SLC18A2: variants seen among roughly 807,000 people sequenced by gnomAD.
SLC18A2 encodes solute carrier family 18 member A2.
SLC18A2 carries 33 observed loss-of-function variants against 59.2 expected under a neutral mutation model. That is an observed-to-expected ratio of 0.56 (90% confidence interval 0.42 to 0.75). The LOEUF (loss-of-function observed/expected upper bound fraction) is 0.75, where lower values mean the gene tolerates loss of function less well. Ranked by LOEUF, SLC18A2 falls within the 30% of genes least tolerant of loss-of-function variation. The pLI is 0.00. For missense variants in SLC18A2, 569 were observed against 668.6 expected (o/e 0.85, Z 1.64); for synonymous variants, 228 against 253.5 (o/e 0.90, Z 0.95).
chr10:117,277,220 T>A lies in SLC18A2; in HGVS notation c.1499T>A (p.Ile500Asn). Residue 500 changes from isoleucine (I) to asparagine (N), a missense_variant, in exon 16 of 16, where the codon ATC (isoleucine) becomes AAC (asparagine). Physicochemically the swap from Ile to Asn is moderately radical, Grantham distance 149. Coordinates refer to ENST00000644641, the MANE Select transcript of SLC18A2 (RefSeq NM_003054.6). ...ACAAAAATGTACACTCAGAATAATA[T>A]CCAGTCATATCCGATAGGTGAAGAT... is the stretch of plus-strand genomic sequence containing the variant. ...IKTKMYTQNN[I>N]QSYPIGEDEE... 6.2e-7 allele frequency: 1 copy of A among 1,611,600 alleles called. No individual in the cohort carries two copies. Among genetic ancestry groups the A allele is most frequent in the Non-Finnish European group, 8.5e-7 (1 of 1,178,392 alleles).
chr10:117,263,248 G>A (rs935338798), intron 10 of SLC18A2, among the ~76,000 whole-genome samples: 18 of 152,184 alleles, frequency 1.2e-4, no homozygotes, highest in African/African-American at 3.9e-4. Context: ...CTGGGGATGG[G>A]GTACTGTGAG....
intron 15 of SLC18A2, among the ~76,000 whole-genome samples, chr10:117,274,098 T>A (rs1457391562): frequency 6.6e-6 from 1 of 152,214 alleles, no homozygotes; most frequent in African/African-American, 2.4e-5. Context: ...TTGATGCTGT[T>A]CATGCCTTTC....
chr10:117,256,549 A>T (rs1844233459), intron 9 of SLC18A2, among the ~76,000 whole-genome samples: 1 of 152,236 alleles, frequency 6.6e-6, no homozygotes, highest in Admixed American at 6.5e-5. Flanking sequence ...GGGCACCAGT[A>T]GTTAAGTTCA....
At chr10:117,272,195 C>T (rs1331280559) in intron 15 of SLC18A2, among the ~76,000 whole-genome samples, 1 of 152,086 alleles carries the variant, frequency 6.6e-6, no homozygotes, top group East Asian at 1.9e-4. Context: ...AAAGTGTGTT[C>T]CTATTTCCAA....
chr10:117,245,195 C>T (rs900945963), intron 3 of SLC18A2, among the ~76,000 whole-genome samples: 8 of 152,068 alleles, frequency 5.3e-5, no homozygotes, highest in Non-Finnish European at 1.0e-4. Context: ...TGGTGGGCTG[C>T]CAAGTGCGCA....
At chr10:117,259,149 A>G (rs908231446) in intron 10 of SLC18A2, among the ~76,000 whole-genome samples, 1 of 152,150 alleles carries the variant, frequency 6.6e-6, no homozygotes, top group African/African-American at 2.4e-5. Context: ...CTGGGTAATT[A>G]TTGTTCACAG....
intron 2 of SLC18A2, among the ~76,000 whole-genome samples, chr10:117,243,177 A>C (rs1252734533): frequency 6.6e-6 from 1 of 152,116 alleles, no homozygotes; most frequent in Non-Finnish European, 1.5e-5. Flanking sequence ...CTGCAGGTTA[A>C]TTTTTTTCTA....
Position 117,269,097 on chromosome 10 carries a change from GCATA to G in SLC18A2, c.1187-963_1187-960del, listed in dbSNP as rs201528859. Among the ~76,000 whole-genome samples the G allele has an allele frequency of 4.7e-5, 7 of 149,592 alleles. No individual in the cohort carries two copies. The highest frequency in any genetic ancestry group is 2.0e-4 in the East Asian group (1 of 5,016). ...TACACAAATATACATACACACATAT[GCATA>G]CATACATACACGTAGATACACATAC... On this transcript the variant is annotated intron_variant, in intron 13 of 15. Coordinates refer to ENST00000644641, the MANE Select transcript of SLC18A2 (RefSeq NM_003054.6). This position sits in a 1 kb window ranked among gnomAD's most constrained non-coding sequence, Gnocchi z 5.1.
intron 10 of SLC18A2, among the ~76,000 whole-genome samples, chr10:117,264,430 C>A (rs995206623): frequency 1.3e-5 from 2 of 152,324 alleles, no homozygotes; most frequent in South Asian, 2.1e-4. Flanking sequence ...AAGCCGAGAT[C>A]GTGCCATTGC....
rs773757505 is a variant in SLC18A2 at position 117,255,487 on chromosome 10, C to T, written c.799C>T (p.Leu267Phe). Reference protein sequence around the residue: ...ALVLLDGAIQLFVLQPSRVQP... With the variant: ...ALVLLDGAIQFFVLQPSRVQP... ...TTATTTTTATTTTTTAGCTATTCAG[C>T]TCTTTGTGCTCCAGCCGTCCCGGGT... Residue 267 changes from leucine (L) to phenylalanine (F), a missense_variant, in exon 8 of 16, where the codon CTC becomes TTC. Transcript: ENST00000644641. The T allele has an allele frequency of 3.7e-6, 6 of 1,614,074 alleles. No homozygotes were observed. The highest frequency in any genetic ancestry group is 5.1e-6 in the Non-Finnish European group (6 of 1,180,026).
chr10:117,248,186 A>C (rs1168753910), intron 3 of SLC18A2, among the ~76,000 whole-genome samples: 1 of 151,966 alleles, frequency 6.6e-6, no homozygotes, highest in Non-Finnish European at 1.5e-5. Flanking sequence ...GCTGATCTCG[A>C]ACTCCTGACC....
chr10:117,246,676 A>T (rs1184672758), intron 3 of SLC18A2, among the ~76,000 whole-genome samples: 1 of 151,654 alleles, frequency 6.6e-6, no homozygotes, highest in Admixed American at 6.6e-5. Context: ...TTTTTGAGAT[A>T]GAGTCTTGCT....
chr10:117,253,719 A>G (rs1844191223), intron 4 of SLC18A2, among the ~76,000 whole-genome samples: 1 of 152,060 alleles, frequency 6.6e-6, no homozygotes, highest in African/African-American at 2.4e-5. Context: ...GGTGGCATGC[A>G]CCTATAGTCC....
chr10:117,266,827 A>T lies in SLC18A2; in HGVS notation c.1070+16A>T. On this transcript the variant is annotated intron_variant, in intron 11 of 15. Transcript: ENST00000644641. ...AAATGGGGAGGTAAGATGATATGAA[A>T]ACAACACTCATTCTGTTACAATAAT... 6.2e-7 allele frequency: 1 copy of T among 1,603,202 alleles called. No individual in the cohort carries two copies. Among genetic ancestry groups the T allele is most frequent in the Non-Finnish European group, 8.5e-7 (1 of 1,170,746 alleles).
intron 10 of SLC18A2, among the ~76,000 whole-genome samples, chr10:117,259,048 C>A (rs1201040208): frequency 6.6e-6 from 1 of 152,196 alleles, no homozygotes; most frequent in Admixed American, 6.5e-5. Context: ...ATCAAACAAC[C>A]AGCTCACACA....
chr10:117,241,649 T>C (rs2133723736), intron 1 of SLC18A2, 30 bp from the exon 2 acceptor site: 1 of 1,531,330 alleles, frequency 6.5e-7, no homozygotes, highest in East Asian at 2.6e-5. Flanking sequence ...CACGGCCGCC[T>C]TGGGTCCTCA....
chr10:117,253,513 G>A, intron 4 of SLC18A2, 56 bp downstream of exon 4: 3 of 965,728 alleles, frequency 3.1e-6, no homozygotes, highest in Non-Finnish European at 3.0e-6. Context: ...GGGCATTGAT[G>A]CCCATGAGCC....
chr10:117,254,610 T>C, intron 6 of SLC18A2, 113 bp downstream of exon 6: 2 of 553,052 alleles, frequency 3.6e-6, no homozygotes, highest in Non-Finnish European at 5.9e-6. Flanking sequence ...AGAGGTCCCC[T>C]TTTTATTTTT....
intron 10 of SLC18A2, among the ~76,000 whole-genome samples, chr10:117,260,403 A>C (rs149947537): frequency 6.6e-6 from 1 of 152,206 alleles, no homozygotes; most frequent in African/African-American, 2.4e-5. Flanking sequence ...TGCAGGTGGA[A>C]GATTCCAGCA....
Sources: allele counts gnomAD v4.1 joint callset (sites outside exome capture counted in the v4.1 genomes callset), GRCh38; gene constraint gnomAD v4.1.1; non-coding constraint Gnocchi (gnomAD v3.1); transcripts MANE v1.5; gene names NCBI Gene and HGNC (gene_info 2026-07-23, HGNC 2026-07-21).